KHDRBS2: variants seen among roughly 807,000 people sequenced by gnomAD.
KHDRBS2 encodes KH RNA binding domain containing, signal transduction associated 2, also known as KH domain-containing, RNA-binding, signal transduction-associated protein 2.
A neutral mutation model predicts 44.3 loss-of-function variants in KHDRBS2; 26 were observed. The observed-to-expected ratio is 0.59, with a 90% CI of 0.43 to 0.81. The LOEUF is 0.81. KHDRBS2 is among the 40% of genes least tolerant of loss of function. The pLI, the probability that KHDRBS2 is intolerant of heterozygous loss-of-function variation, is 0.00. For missense variants in KHDRBS2, 476 were observed against 433.1 expected, an observed-to-expected ratio of 1.10 and a Z score of -0.88; for synonymous variants, 194 against 151.1, an observed-to-expected ratio of 1.28 and a Z score of -2.08.
intron 6 of KHDRBS2, among the ~76,000 whole-genome samples, chr6:61,833,565 G>A (rs1364013947): frequency 2.6e-5 from 4 of 152,008 alleles, no homozygotes; most frequent in Non-Finnish European, 4.4e-5. Context: ...ACATTTGGTC[G>A]TGAGCTATAA....
the KHDRBS2 span, among the ~76,000 whole-genome samples, chr6:61,579,524 G>C: frequency 6.6e-6 from 1 of 152,154 alleles, no homozygotes; most frequent in Non-Finnish European, 1.5e-5. Context: ...ATGCAGAAGA[G>C]ATAGAGTGAT....
At chr6:62,122,214 C>G (rs1391980594) in intron 2 of KHDRBS2, among the ~76,000 whole-genome samples, 12 of 152,088 alleles carry the variant, frequency 7.9e-5, no homozygotes, top group Admixed American at 1.3e-4. Context: ...CTATTTGGAG[C>G]CTTTGGCAGG....
the KHDRBS2 span, among the ~76,000 whole-genome samples, chr6:61,646,115 A>T: frequency 2.0e-5 from 3 of 152,320 alleles, no homozygotes; most frequent in East Asian, 3.9e-4. Context: ...CAGTCCATAT[A>T]AAGTACTTAG....
At chr6:61,803,682 A>G (rs73476618) in intron 6 of KHDRBS2, among the ~76,000 whole-genome samples, 1,642 of 152,262 alleles carry the variant, frequency 0.011, 29 homozygotes, top group African/African-American at 0.038. Context: ...ATTTATGAAG[A>G]AAAAGGTTTA....
At chr6:62,110,226 G>A (rs890370366) in intron 2 of KHDRBS2, among the ~76,000 whole-genome samples, 5 of 151,910 alleles carry the variant, frequency 3.3e-5, no homozygotes, top group African/African-American at 1.2e-4. Flanking sequence ...CATTGTTGAT[G>A]GAAATATAAA....
At chr6:62,223,602 T>C (rs1240346443) in intron 1 of KHDRBS2, among the ~76,000 whole-genome samples, 2 of 152,198 alleles carry the variant, frequency 1.3e-5, no homozygotes, top group African/African-American at 4.8e-5. Flanking sequence ...TCTGAACTTT[T>C]ATGCTCTGCT....
intron 1 of KHDRBS2, among the ~76,000 whole-genome samples, chr6:62,252,038 T>C (rs1402510446): frequency 6.6e-6 from 1 of 151,914 alleles, no homozygotes; most frequent in East Asian, 1.9e-4. Context: ...ATTCTTGGCA[T>C]AGCATTTCAC....
At chr6:61,557,789 G>T in the KHDRBS2 span, among the ~76,000 whole-genome samples, 1 of 152,238 alleles carries the variant, frequency 6.6e-6, no homozygotes, top group East Asian at 1.9e-4. Flanking sequence ...TTTGCAGAGA[G>T]ACTTTTTATT....
intron 1 of KHDRBS2, among the ~76,000 whole-genome samples, chr6:62,195,061 C>T (rs181114425): frequency 4.6e-5 from 7 of 152,156 alleles, no homozygotes; most frequent in African/African-American, 1.7e-4. Flanking sequence ...AAATGATGAA[C>T]ATGGGATACA....
At chr6:61,757,083 T>G (rs1778602869) in intron 6 of KHDRBS2, among the ~76,000 whole-genome samples, 1 of 152,232 alleles carries the variant, frequency 6.6e-6, no homozygotes, top group Non-Finnish European at 1.5e-5. Context: ...GTTTATGGTA[T>G]GAGTTTGTTT....
At position 61,974,030 on chromosome 6, in the gene KHDRBS2, G is replaced by A. The variant is rs1484229830; in HGVS notation, c.483+4036C>T. On this transcript the variant is annotated intron_variant, in intron 4 of 8. Transcript: ENST00000281156. ...GAAAGAATATATAAACACACAATGA[G>A]CAGAATTTCATGCAACACTTCATAA... 2.6e-5 allele frequency among the ~76,000 whole-genome samples: 4 copies of A among 152,100 alleles called. No homozygotes were observed. In the South Asian group the frequency reaches 6.2e-4, roughly 24 times the overall value.
chr6:62,162,802 T>C (rs1156708926), intron 2 of KHDRBS2, among the ~76,000 whole-genome samples: 3 of 152,012 alleles, frequency 2.0e-5, no homozygotes, highest in East Asian at 3.9e-4. Flanking sequence ...GCACATTGGA[T>C]AGAATGTGCA....
chr6:61,891,566 A>AC (rs1215141572), intron 6 of KHDRBS2, among the ~76,000 whole-genome samples: 3 of 151,826 alleles, frequency 2.0e-5, no homozygotes, highest in African/African-American at 7.2e-5. Context: ...CTGGTCCTGG[A>AC]CTGTTTTTGG....
chr6:61,658,206 C>T, the KHDRBS2 span, among the ~76,000 whole-genome samples: 45 of 151,644 alleles, frequency 3.0e-4, no homozygotes, highest in African/African-American at 1.0e-3. Flanking sequence ...CTATAATATA[C>T]AAGTTTTCAG....
the KHDRBS2 span, among the ~76,000 whole-genome samples, chr6:61,590,548 A>G: frequency 6.6e-6 from 1 of 152,252 alleles, no homozygotes; most frequent in East Asian, 1.9e-4. Flanking sequence ...ATGGGATCTA[A>G]GAAGATATAA....
At chr6:61,906,863 G>A (rs958197989) in intron 4 of KHDRBS2, among the ~76,000 whole-genome samples, 18 of 151,560 alleles carry the variant, frequency 1.2e-4, no homozygotes, top group South Asian at 4.2e-4. Flanking sequence ...AAACATGGGC[G>A]TGCAGATATC....
In KHDRBS2 at chr6:61,965,448, C is replaced by T. The variant is rs75790737; in HGVS notation, c.483+12618G>A. On this transcript the variant is annotated intron_variant, in intron 4 of 8. Transcript: ENST00000281156. ...TGGGTTTGGAGAAACGTGTAGTTTT[C>T]GGGTTAACATTATTCCCTACAGTTT... Among the ~76,000 whole-genome samples, 313 of 152,060 alleles carry T rather than the reference C, an allele frequency of 2.1e-3. 3 individuals carry two copies. Among genetic ancestry groups the T allele is most frequent in the African/African-American group, 7.2e-3 (297 of 41,512 alleles).
At chr6:62,190,394 G>T (rs1824335928) in intron 1 of KHDRBS2, among the ~76,000 whole-genome samples, 1 of 152,026 alleles carries the variant, frequency 6.6e-6, no homozygotes, top group South Asian at 2.1e-4. Context: ...GGGTTACCCT[G>T]GTTCATTGCC....
chr6:62,004,606 T>C (rs2127262431), intron 3 of KHDRBS2, among the ~76,000 whole-genome samples: 1 of 152,122 alleles, frequency 6.6e-6, no homozygotes, highest in East Asian at 1.9e-4. Flanking sequence ...TACCATTCCT[T>C]CTGAAACTGT....
Sources: gnomAD v4.1 joint callset for allele counts (sites outside exome capture counted in the v4.1 genomes callset) on GRCh38, gnomAD v4.1.1 for gene constraint, MANE v1.5 for transcripts, NCBI Gene and HGNC (gene_info 2026-07-23, HGNC 2026-07-21) for gene names.